L3MBTL4: variants seen among roughly 807,000 people sequenced by gnomAD.
L3MBTL4 encodes L3MBTL histone methyl-lysine binding protein 4, also known as lethal(3)malignant brain tumor-like protein 4.
A neutral mutation model predicts 84.5 loss-of-function variants in L3MBTL4; 70 were observed. That is an observed-to-expected ratio of 0.83 (90% CI 0.68 to 1.01). The LOEUF (loss-of-function observed/expected upper bound fraction) is 1.01, where lower values mean the gene tolerates loss of function less well. Among genes scored for constraint, L3MBTL4 ranks in the 50% least tolerant of loss-of-function variants. The probability of loss-of-function intolerance (pLI) is 0.00; values close to 1 mark genes in which losing one functional copy is unlikely to be tolerated. For synonymous variants in L3MBTL4, 274 were observed against 259.8 expected, an observed-to-expected ratio of 1.05 and a Z score of -0.52; for missense variants, 715 against 754.8, an observed-to-expected ratio of 0.95 and a Z score of 0.62.
chr18:6,123,401 T>C (rs181796878), intron 14 of L3MBTL4, among the ~76,000 whole-genome samples: 7 of 152,122 alleles, frequency 4.6e-5, no homozygotes, highest in African/African-American at 1.7e-4. Flanking sequence ...CAGTGGGAGG[T>C]AATTGAATCA....
intron 1 of L3MBTL4, among the ~76,000 whole-genome samples, chr18:6,393,111 C>T (rs1347680616): frequency 6.6e-6 from 1 of 152,094 alleles, no homozygotes; most frequent in Admixed American, 6.6e-5. Context: ...AGATAATAAA[C>T]CCCCTATAGA....
chr18:6,184,139 T>C (rs755736560), intron 12 of L3MBTL4, among the ~76,000 whole-genome samples: 1 of 151,898 alleles, frequency 6.6e-6, no homozygotes, highest in Non-Finnish European at 1.5e-5. Context: ...AAGTCATGGG[T>C]AGGTTACATA....
chr18:6,190,229 T>C (rs2045006911), intron 12 of L3MBTL4, among the ~76,000 whole-genome samples: 1 of 152,060 alleles, frequency 6.6e-6, no homozygotes, highest in Non-Finnish European at 1.5e-5. Flanking sequence ...ACAGGCAAAA[T>C]TAATCTATAA....
At chr18:6,280,743 C>A (rs385531) in intron 4 of L3MBTL4, among the ~76,000 whole-genome samples, 152,247 of 152,342 alleles carry the variant, frequency 1, 76,076 homozygotes, top group Middle Eastern at 1. Flanking sequence ...CAGGAGTCCT[C>A]AGTGGAAGAG....
At chr18:6,336,093 A>G (rs2052322082) in intron 1 of L3MBTL4, among the ~76,000 whole-genome samples, 1 of 152,232 alleles carries the variant, frequency 6.6e-6, no homozygotes, top group Admixed American at 6.5e-5. Context: ...GCAAATAAAC[A>G]TTCTTTGAGG....
chr18:6,078,444 A>C (rs1223986823), intron 16 of L3MBTL4, among the ~76,000 whole-genome samples: 1 of 151,430 alleles, frequency 6.6e-6, no homozygotes, highest in Non-Finnish European at 1.5e-5. Flanking sequence ...AAAAACAAAA[A>C]AAAAAAAAAA....
intron 16 of L3MBTL4, among the ~76,000 whole-genome samples, chr18:6,000,028 C>G (rs1026849024): frequency 6.6e-6 from 1 of 151,108 alleles, no homozygotes; most frequent in African/African-American, 2.4e-5. Context: ...CATTTCCTGT[C>G]AATATAGATG....
intron 16 of L3MBTL4, among the ~76,000 whole-genome samples, chr18:6,002,505 G>A (rs770312913): frequency 6.6e-6 from 1 of 152,000 alleles, no homozygotes; most frequent in East Asian, 1.9e-4. Context: ...TTTTGGACAC[G>A]TAAAACATAA....
intron 12 of L3MBTL4, among the ~76,000 whole-genome samples, chr18:6,176,006 G>C (rs1001155285): frequency 2.0e-5 from 3 of 151,914 alleles, no homozygotes; most frequent in African/African-American, 7.2e-5. Flanking sequence ...GAGAAAATAA[G>C]AAAATGTGAA....
At chr18:5,966,159 C>T (rs692864) in intron 17 of L3MBTL4, among the ~76,000 whole-genome samples, 90,190 of 151,938 alleles carry the variant, frequency 0.59, 28,009 homozygotes, top group East Asian at 0.94. Flanking sequence ...CCTCCCAATC[C>T]CGTGATTTTG....
intron 11 of L3MBTL4, among the ~76,000 whole-genome samples, chr18:6,214,726 G>A (rs16949671): frequency 0.031 from 4,773 of 152,186 alleles, 236 homozygotes; most frequent in African/African-American, 0.11. Flanking sequence ...CAACATCACT[G>A]TCCTGAACAA....
chr18:6,348,872 C>T (rs117398914), intron 1 of L3MBTL4, among the ~76,000 whole-genome samples: 3,361 of 152,152 alleles, frequency 0.022, 43 homozygotes, highest in Middle Eastern at 0.041. Flanking sequence ...GCAAATAACC[C>T]GTAGAGAAAT....
intron 1 of L3MBTL4, among the ~76,000 whole-genome samples, chr18:6,387,158 G>A (rs2054857367): frequency 6.6e-6 from 1 of 152,186 alleles, no homozygotes; most frequent in African/African-American, 2.4e-5. Context: ...ACTACAGGCT[G>A]GGCCTGATCA....
chr18:6,296,184 G>A (rs1394896102), intron 4 of L3MBTL4, among the ~76,000 whole-genome samples: 4 of 152,134 alleles, frequency 2.6e-5, no homozygotes, highest in Admixed American at 6.5e-5. Context: ...ACTATTCAAG[G>A]AGTCACCTTT....
intron 16 of L3MBTL4, among the ~76,000 whole-genome samples, chr18:6,055,168 C>T (rs2056977579): frequency 6.6e-6 from 1 of 152,180 alleles, no homozygotes; most frequent in Non-Finnish European, 1.5e-5. Flanking sequence ...TTTTAGTCAT[C>T]CCAACTTCTC....
intron 16 of L3MBTL4, among the ~76,000 whole-genome samples, chr18:5,975,497 C>T (rs1465176102): frequency 6.6e-6 from 1 of 152,208 alleles, no homozygotes; most frequent in Non-Finnish European, 1.5e-5. Flanking sequence ...ATAGTGACTT[C>T]TGCTGGAGAA....
At chr18:6,285,125 G>A (rs147424353) in intron 4 of L3MBTL4, among the ~76,000 whole-genome samples, 1 of 152,372 alleles carries the variant, frequency 6.6e-6, no homozygotes, top group Non-Finnish European at 1.5e-5. Flanking sequence ...GGAGGCGTCC[G>A]CAGAGGGGTG....
At position 6,082,905 on chromosome 18, in the gene L3MBTL4, A is replaced by T. The variant is rs142952041; in HGVS notation, c.1374-1954T>A. ...GTAGCATTTCCTGGGAACTCCCAGGAGGTAGGTACATACTAAGGACTCCTA... is the reference window on the plus strand; with the variant it reads ...GTAGCATTTCCTGGGAACTCCCAGGTGGTAGGTACATACTAAGGACTCCTA... On this transcript the variant is annotated intron_variant, in intron 15 of 18. Coordinates refer to ENST00000317931, the MANE Select transcript of L3MBTL4 (RefSeq NM_001330559.2). 1.7e-3 allele frequency among the ~76,000 whole-genome samples: 261 copies of T among 152,242 alleles called. 1 individual carries two copies. The highest frequency in any genetic ancestry group is 6.1e-3 in the African/African-American group (252 of 41,536).
chr18:6,235,210 C>A (rs1568357170), intron 10 of L3MBTL4, among the ~76,000 whole-genome samples: 1 of 152,036 alleles, frequency 6.6e-6, no homozygotes, highest in Non-Finnish European at 1.5e-5. Context: ...AGGAGAAATA[C>A]CTAATGTAAA....
Sources: allele counts gnomAD v4.1 joint callset (sites outside exome capture counted in the v4.1 genomes callset), GRCh38; gene constraint gnomAD v4.1.1; transcripts MANE v1.5; gene names NCBI Gene and HGNC (gene_info 2026-07-23, HGNC 2026-07-21).